IKZF2: variants seen among roughly 807,000 people sequenced by gnomAD.
IKZF2 encodes the protein IKAROS family zinc finger 2, also known as zinc finger protein Helios.
Under a neutral mutation model 49.2 loss-of-function variants are expected in IKZF2, and 15 were observed. The ratio of observed to expected loss-of-function variants is 0.30; its 90% CI spans 0.20 to 0.47. The LOEUF (loss-of-function observed/expected upper bound fraction) is 0.47. IKZF2 is among the 20% of genes least tolerant of loss of function. IKZF2 has a pLI of 1.00. For synonymous variants in IKZF2, 227 were observed against 221.4 expected, an observed-to-expected ratio of 1.03 and a Z score of -0.23; for missense variants, 567 against 664.6, an observed-to-expected ratio of 0.85 and a Z score of 1.61.
At chr2:213,063,871 G>A (rs910619320) in intron 4 of IKZF2, among the ~76,000 whole-genome samples, 10 of 151,896 alleles carry the variant, frequency 6.6e-5, no homozygotes, top group Admixed American at 2.6e-4. Flanking sequence ...CAGTTCTTAC[G>A]GTAGCTGTAA....
chr2:213,143,779 A>AT (rs2060953085), intron 4 of IKZF2, among the ~76,000 whole-genome samples: 1 of 151,942 alleles, frequency 6.6e-6, no homozygotes, highest in African/African-American at 2.4e-5. Context: ...CAAAAAGTGC[A>AT]TTAGAACACC....
At chr2:213,053,716 T>C (rs1049140251) in intron 5 of IKZF2, among the ~76,000 whole-genome samples, 2 of 152,212 alleles carry the variant, frequency 1.3e-5, no homozygotes, top group South Asian at 2.1e-4. Context: ...ATTGATTTAC[T>C]TTCCCTATTT....
At chr2:213,015,019 C>CA (rs1213729338) in intron 7 of IKZF2, 1 of 151,688 alleles carries the variant, frequency 6.6e-6, no homozygotes, top group Non-Finnish European at 1.5e-5. Context: ...CCACTGTGTA[C>CA]AAAAAAATGT....
chr2:213,124,250 GCGCACACACA>G lies in IKZF2; in HGVS notation c.139+23448_139+23457del, dbSNP rs1368428407. On this transcript the variant is annotated intron_variant, in intron 4 of 8. Coordinates refer to ENST00000434687, the MANE Select transcript of IKZF2 (RefSeq NM_001387220.1). The stretch of plus-strand genomic sequence containing the variant: ...CACGCACACATGCGCTCGCGCGCGC[GCGCACACACA>G]CACACACACACACACACACACACAC... Among the ~76,000 whole-genome samples the G allele has an allele frequency of 3.4e-3, 320 of 93,536 alleles. 1 individual carries two copies. Among genetic ancestry groups the G allele is most frequent in the African/African-American group, 0.011 (192 of 17,184 alleles). The allele number at this position is 93,536 out of a possible 152,430, so 61.4% of individuals were successfully genotyped here.
At chr2:213,099,189 A>G (rs578045091) in intron 4 of IKZF2, among the ~76,000 whole-genome samples, 1 of 152,228 alleles carries the variant, frequency 6.6e-6, no homozygotes, top group South Asian at 2.1e-4. Flanking sequence ...CTACATGACA[A>G]AAGTCAGCCT....
chr2:213,056,993 T>C lies in IKZF2; in HGVS notation c.246A>G (p.Glu82=). Reference sequence around the variant, plus strand: ...CCACCTCGCTGCTCTCAATTAGGGGTTCTTCTAGGCTGCTACCCTCATCAT... The same window carrying C: ...CCACCTCGCTGCTCTCAATTAGGGGCTCTTCTAGGCTGCTACCCTCATCAT... ...RGHDEGSSLE[E]PLIESSEVAD... The change falls in exon 5 of 9, where the codon GAA becomes GAG. Residue 82 remains glutamate, a synonymous_variant. Transcript: ENST00000434687. 6.2e-7 allele frequency: 1 copy of C among 1,613,890 alleles called. No homozygotes were observed. The highest frequency in any genetic ancestry group is 2.2e-5 in the East Asian group (1 of 44,854).
intron 4 of IKZF2, among the ~76,000 whole-genome samples, chr2:213,109,756 CA>C (rs2125761160): frequency 6.6e-6 from 1 of 151,916 alleles, no homozygotes; most frequent in African/African-American, 2.4e-5. Context: ...AGAAGAAAAA[CA>C]TAAGCAAGGT....
intron 4 of IKZF2, among the ~76,000 whole-genome samples, chr2:213,105,590 AG>A (rs141605478): frequency 0.041 from 2,968 of 72,782 alleles, 79 homozygotes; most frequent in African/African-American, 0.14. Context: ...TGGGGGGGGA[AG>A]GGGGGGGTGG....
In IKZF2 at chr2:213,028,563, C is replaced by T. The variant is rs1291744110; in HGVS notation, c.575-6433G>A. 3.9e-5 allele frequency among the ~76,000 whole-genome samples: 6 copies of T among 152,218 alleles called. No individual in the cohort carries two copies. In the East Asian group the frequency reaches 5.8e-4, roughly 15 times the overall value. On this transcript the variant is annotated intron_variant, in intron 6 of 8. Coordinates refer to ENST00000434687, the MANE Select transcript of IKZF2 (RefSeq NM_001387220.1). Reference sequence around the variant, plus strand: ...ATCTCAGCAATGTGTTATGATTTTACGTACACAGTTCTTACACATATTACT... The same window carrying T: ...ATCTCAGCAATGTGTTATGATTTTATGTACACAGTTCTTACACATATTACT...
rs374931546 is a variant in IKZF2, at chr2:213,009,563, T to C, written c.857-1479A>G. Among the ~76,000 whole-genome samples, 78 of 152,108 alleles carry C rather than the reference T, an allele frequency of 5.1e-4. No homozygotes were observed. In the South Asian group the frequency reaches 0.015, roughly 30 times the overall value. ...AGTGTAATGATTAGAGTAACAAAAA[T>C]GGAAACACAAAACGAGGAGAAATTA... On this transcript the variant is annotated intron_variant, in intron 8 of 8. Transcript: ENST00000434687.
rs150821020 is a variant in IKZF2 at position 213,036,943 on chromosome 2, C to CCA, written c.574+12768_574+12769dup. Among the ~76,000 whole-genome samples, 69 of 150,578 alleles carry CCA rather than the reference C, an allele frequency of 4.6e-4. 1 individual carries two copies. The highest frequency in any genetic ancestry group is 7.3e-4 in the African/African-American group (30 of 41,146). On this transcript the variant is annotated intron_variant, in intron 6 of 8. Transcript: ENST00000434687. ...GAAAAAAACATCCAAACAAAACACA[C>CCA]CACACACACACACACACAAGTCCCA...
In IKZF2 at chr2:213,004,900, G is replaced by T. The variant is rs868860684; in HGVS notation, c.*2460C>A. On this transcript the variant is annotated 3_prime_UTR_variant, in exon 9 of 9. Transcript: ENST00000434687. ...TCCCAAAAAGATGAAATCAGAAAAG[G>T]AAAGTGCCTCAGCACTGTCTTCATA... The T allele has an allele frequency of 6.6e-6, 1 of 152,176 alleles. No homozygotes were observed. The highest frequency in any genetic ancestry group is 1.5e-5 in the Non-Finnish European group (1 of 67,882). The allele number at this position is 152,176 out of a possible 1,614,324, so 9.4% of individuals were successfully genotyped here. A position where few individuals can be genotyped will look rare whatever the true frequency, so the allele number is the denominator to read the frequency against.
chr2:213,013,966 T>C, intron 7 of IKZF2, 32 bp from the exon 8 acceptor site: 1 of 1,602,090 alleles, frequency 6.2e-7, no homozygotes, highest in East Asian at 2.2e-5. Flanking sequence ...TGCAATCTGA[T>C]AATTTCTTCA....
chr2:213,120,101 G>C (rs1347575415), intron 4 of IKZF2, among the ~76,000 whole-genome samples: 1 of 152,116 alleles, frequency 6.6e-6, no homozygotes, highest in East Asian at 1.9e-4. Flanking sequence ...TTAGTCATTT[G>C]TTCATAAAAC....
rs1311666862 is a variant in IKZF2 at position 213,079,194 on chromosome 2, C to T, written c.140-22095G>A. Among the ~76,000 whole-genome samples the T allele has an allele frequency of 3.9e-5, 6 of 152,030 alleles. No homozygotes were observed. In the East Asian group the frequency reaches 1.2e-3, roughly 29 times the overall value. On this transcript the variant is annotated intron_variant, in intron 4 of 8. Transcript: ENST00000434687. The stretch of plus-strand genomic sequence containing the variant: ...ACTGGTTCAAGACGAGCCTGGGCAA[C>T]ATAGTGGGATCCCATCTATACAAAA...
intron 4 of IKZF2, among the ~76,000 whole-genome samples, chr2:213,070,160 C>A (rs1559233413): frequency 6.6e-6 from 1 of 152,048 alleles, no homozygotes; most frequent in Admixed American, 6.6e-5. Context: ...CCAGCTGACA[C>A]AAGAATTATC....
At chr2:213,022,911 CT>C (rs1697379588) in intron 6 of IKZF2, among the ~76,000 whole-genome samples, 2 of 152,166 alleles carry the variant, frequency 1.3e-5, no homozygotes, top group South Asian at 2.1e-4. Context: ...CTCAATACAT[CT>C]GTTAAAATAC....
intron 4 of IKZF2, 48 bp from the exon 5 acceptor site, chr2:213,057,147 T>C (rs1701241330): frequency 6.7e-7 from 1 of 1,502,194 alleles, no homozygotes; most frequent in Non-Finnish European, 9.1e-7. Flanking sequence ...TGTTATGTAT[T>C]CTCACCTACA....
chr2:213,125,847 T>C (rs955254324), intron 4 of IKZF2, among the ~76,000 whole-genome samples: 5 of 151,898 alleles, frequency 3.3e-5, no homozygotes, highest in Admixed American at 6.6e-5. Flanking sequence ...AATGAAAAAT[T>C]GAGTCATAGG....
Sources: gnomAD v4.1 joint callset for allele counts (sites outside exome capture counted in the v4.1 genomes callset) on GRCh38, gnomAD v4.1.1 for gene constraint, MANE v1.5 for transcripts, NCBI Gene and HGNC (gene_info 2026-07-23, HGNC 2026-07-21) for gene names.